KIF21A: variants seen among roughly 807,000 people sequenced by gnomAD.
KIF21A encodes kinesin family member 21A.
KIF21A carries 114 observed loss-of-function variants against 202.9 expected under a neutral mutation model. The observed-to-expected ratio is 0.56, with a 90% CI of 0.48 to 0.66. The LOEUF (loss-of-function observed/expected upper bound fraction) is 0.66. KIF21A is among the 30% of genes least tolerant of loss of function. The pLI, the probability that KIF21A is intolerant of heterozygous loss-of-function variation, is 0.00. For missense variants in KIF21A, 1,677 were observed against 1,994.9 expected (o/e 0.84, Z 3.04); for synonymous variants, 667 against 670.8 (o/e 0.99, Z 0.09).
intron 1 of KIF21A, among the ~76,000 whole-genome samples, chr12:39,435,731 C>A (rs974175024): frequency 6.6e-6 from 1 of 150,832 alleles, no homozygotes; most frequent in Non-Finnish European, 1.5e-5. Flanking sequence ...TGCCATAATC[C>A]TTTAGTCTGT....
intron 1 of KIF21A, among the ~76,000 whole-genome samples, chr12:39,416,607 A>ATATGTG (rs1555198093): frequency 1.2e-4 from 17 of 139,240 alleles, no homozygotes; most frequent in African/African-American, 4.3e-4. Flanking sequence ...ATATACATAT[A>ATATGTG]TATATATATG....
intron 1 of KIF21A, among the ~76,000 whole-genome samples, chr12:39,435,474 T>C (rs760160777): frequency 2.0e-5 from 3 of 150,080 alleles, no homozygotes; most frequent in Non-Finnish European, 4.5e-5. Flanking sequence ...AGATGTGGGA[T>C]TTAGGATGCT....
At chr12:39,416,590 G>A (rs117819007) in intron 1 of KIF21A, among the ~76,000 whole-genome samples, 7,940 of 136,792 alleles carry the variant, frequency 0.058, 309 homozygotes, top group Middle Eastern at 0.17. Flanking sequence ...AGTGAGATCC[G>A]CCTTAAATAT....
intron 37 of KIF21A, among the ~76,000 whole-genome samples, chr12:39,295,042 G>A (rs541923213): frequency 2.0e-5 from 3 of 152,272 alleles, no homozygotes; most frequent in Non-Finnish European, 2.9e-5. Flanking sequence ...GGGAGTTAGC[G>A]AATCTGGCAA....
chr12:39,376,846 C>T (rs11171902), intron 1 of KIF21A, among the ~76,000 whole-genome samples: 9,841 of 152,132 alleles, frequency 0.065, 369 homozygotes, highest in Middle Eastern at 0.16. Context: ...AGGGATAAGC[C>T]TTTCTTTTGC....
chr12:39,342,754 T>C (rs146511304), intron 12 of KIF21A, among the ~76,000 whole-genome samples: 103 of 152,306 alleles, frequency 6.8e-4, no homozygotes, highest in Admixed American at 2.3e-3. Context: ...AACTGTCTAA[T>C]GTTCAGGCTG....
chr12:39,416,407 T>C (rs78495391), intron 1 of KIF21A, among the ~76,000 whole-genome samples: 50,893 of 151,406 alleles, frequency 0.34, 10,732 homozygotes, highest in African/African-American at 0.6. Flanking sequence ...ACCAGCCTGG[T>C]CAACATGGCG....
rs1487711686 is a variant in KIF21A, at chr12:39,325,838, C to T, written c.3456+1G>A. The T allele has an allele frequency of 6.2e-7, 1 of 1,605,788 alleles. No homozygotes were observed. Among genetic ancestry groups the T allele is most frequent in the African/African-American group, 1.3e-5 (1 of 74,820 alleles). On this transcript the variant is annotated splice_donor_variant, in intron 26 of 37. Coordinates refer to ENST00000361418, the MANE Select transcript of KIF21A (RefSeq NM_001173464.2). LOFTEE classifies it high-confidence loss of function. ...TACCTGATACTTTTAGTTCTCCTTACCTTGTTCTTAGGTTTCACTTCACCA... is the reference window on the plus strand; with the variant it reads ...TACCTGATACTTTTAGTTCTCCTTATCTTGTTCTTAGGTTTCACTTCACCA...
intron 1 of KIF21A, among the ~76,000 whole-genome samples, chr12:39,427,941 G>A (rs113044008): frequency 0.098 from 14,892 of 152,236 alleles, 748 homozygotes; most frequent in East Asian, 0.14. Context: ...TTACAAGCAT[G>A]AGCCACCCGC....
intron 11 of KIF21A, among the ~76,000 whole-genome samples, chr12:39,349,310 T>C (rs1948169445): frequency 6.6e-6 from 1 of 152,106 alleles, no homozygotes; most frequent in Non-Finnish European, 1.5e-5. Flanking sequence ...ACATCATGTA[T>C]TTACAATACT....
At chr12:39,422,844 T>C (rs1465951241) in intron 1 of KIF21A, among the ~76,000 whole-genome samples, 1 of 152,208 alleles carries the variant, frequency 6.6e-6, no homozygotes, top group Non-Finnish European at 1.5e-5. Context: ...CCTTCCTAAA[T>C]ACTTCCACTG....
intron 1 of KIF21A, among the ~76,000 whole-genome samples, chr12:39,385,531 C>G (rs11171938): frequency 0.3 from 45,092 of 151,930 alleles, 8,396 homozygotes; most frequent in African/African-American, 0.53. Context: ...GGTAAAATTA[C>G]TAAGTAATTT....
At chr12:39,408,382 T>C (rs1952782770) in intron 1 of KIF21A, among the ~76,000 whole-genome samples, 1 of 152,080 alleles carries the variant, frequency 6.6e-6, no homozygotes, top group African/African-American at 2.4e-5. Context: ...CAATGCTGGC[T>C]CAACTGCTGC....
At chr12:39,413,910 T>TA (rs549118992) in intron 1 of KIF21A, among the ~76,000 whole-genome samples, 181 of 148,884 alleles carry the variant, frequency 1.2e-3, no homozygotes, top group East Asian at 0.01. Flanking sequence ...TGTTTTCCCA[T>TA]AAAAAAAAAA....
At chr12:39,324,449 G>T (rs1945641931) in intron 26 of KIF21A, among the ~76,000 whole-genome samples, 1 of 152,170 alleles carries the variant, frequency 6.6e-6, no homozygotes, top group African/African-American at 2.4e-5. Flanking sequence ...CCGAACCATA[G>T]CAGAATGTTT....
At chr12:39,379,963 C>G (rs1246561558) in intron 1 of KIF21A, among the ~76,000 whole-genome samples, 1 of 152,036 alleles carries the variant, frequency 6.6e-6, no homozygotes, top group Non-Finnish European at 1.5e-5. Flanking sequence ...GGTAACAACA[C>G]TTTTTGTTTT....
intron 1 of KIF21A, among the ~76,000 whole-genome samples, chr12:39,410,225 C>T (rs1001844634): frequency 6.6e-6 from 1 of 152,164 alleles, no homozygotes; most frequent in African/African-American, 2.4e-5. Flanking sequence ...GGAATTCTCC[C>T]CTAGAGCCCT....
At chr12:39,360,388 A>AAAAATACC (rs1949116316) in intron 7 of KIF21A, among the ~76,000 whole-genome samples, 1 of 144,752 alleles carries the variant, frequency 6.9e-6, no homozygotes, top group Non-Finnish European at 1.5e-5. Flanking sequence ...GGTATTAGAA[A>AAAAATACC]TATGATTTTT....
At chr12:39,297,139 A>G (rs57756176) in intron 37 of KIF21A, among the ~76,000 whole-genome samples, 45,076 of 152,004 alleles carry the variant, frequency 0.3, 8,433 homozygotes, top group African/African-American at 0.53. Context: ...GTTCTGTCCC[A>G]AGCACAGAAA....
Sources: gnomAD v4.1 joint callset for allele counts (sites outside exome capture counted in the v4.1 genomes callset) on GRCh38, gnomAD v4.1.1 for gene constraint, MANE v1.5 for transcripts, NCBI Gene and HGNC (gene_info 2026-07-23, HGNC 2026-07-21) for gene names.